Variants in SEC11C observed in about 807,000 individuals in gnomAD.
SEC11C encodes the protein SEC11 homolog C, signal peptidase complex subunit, also known as signal peptidase complex catalytic subunit SEC11C.
SEC11C carries 10 observed loss-of-function variants against 21.9 expected under a neutral mutation model. The observed-to-expected ratio is 0.46, with a 90% CI of 0.28 to 0.77. SEC11C has a LOEUF of 0.77. Among genes scored for constraint, SEC11C ranks in the 30% least tolerant of loss-of-function variants. The pLI is 0.12. For synonymous variants in SEC11C, 83 were observed against 85.6 expected, an observed-to-expected ratio of 0.97 and a Z score of 0.17; for missense variants, 145 against 244.5, an observed-to-expected ratio of 0.59 and a Z score of 2.71.
intron 2 of SEC11C, among the ~76,000 whole-genome samples, chr18:59,151,068 A>G (rs978930111): frequency 1.3e-5 from 2 of 152,144 alleles, no homozygotes; most frequent in African/African-American, 4.8e-5. Context: ...AATCTGGCCC[A>G]TGAGGAAAGC....
intron 3 of SEC11C, among the ~76,000 whole-genome samples, chr18:59,155,281 A>G (rs2069406602): frequency 6.6e-6 from 1 of 152,204 alleles, no homozygotes; most frequent in Non-Finnish European, 1.5e-5. Flanking sequence ...CACAGAGGTG[A>G]TTCACATGAT....
At chr18:59,141,091 T>C (rs2069204791) in intron 1 of SEC11C, among the ~76,000 whole-genome samples, 1 of 152,162 alleles carries the variant, frequency 6.6e-6, no homozygotes, top group Non-Finnish European at 1.5e-5. Flanking sequence ...TGTTGAGATG[T>C]GGGGTGGTGC....
rs747049609 is a variant in SEC11C, at chr18:59,157,682, G to A, written c.525+17G>A. 1 of 1,530,140 alleles carries A rather than the reference G, an allele frequency of 6.5e-7. No homozygotes were observed. Among genetic ancestry groups the A allele is most frequent in the East Asian group, 2.3e-5 (1 of 44,402 alleles). The allele number at this position is 1,530,140 out of a possible 1,614,324, so 94.8% of individuals were successfully genotyped here. A position where few individuals can be genotyped will look rare whatever the true frequency, so the allele number is the denominator to read the frequency against. ...AAATTCAAGGTAGGAATTTATGTGT[G>A]TCTATATTTATTTACTTCGTTAAAT... On this transcript the variant is annotated intron_variant, in intron 5 of 5. Coordinates refer to ENST00000587834, the MANE Select transcript of SEC11C (RefSeq NM_033280.4).
At chr18:59,157,487 T>G in intron 4 of SEC11C, 121 bp from the exon 5 acceptor site, 4 of 748,052 alleles carry the variant, frequency 5.3e-6, no homozygotes, top group South Asian at 1.5e-5. Context: ...CTTACAGCCC[T>G]GGTCAGTGGC....
intron 1 of SEC11C, among the ~76,000 whole-genome samples, chr18:59,146,289 A>T (rs1262720554): frequency 6.6e-6 from 1 of 152,248 alleles, no homozygotes; most frequent in African/African-American, 2.4e-5. Context: ...TACTGAGAGA[A>T]GGATCCCTAA....
chr18:59,157,918 T>C (rs188820470), intron 5 of SEC11C, among the ~76,000 whole-genome samples: 1 of 152,244 alleles, frequency 6.6e-6, no homozygotes, highest in East Asian at 1.9e-4. Flanking sequence ...TTATGGAAAT[T>C]TTCATACACA....
intron 3 of SEC11C, 80 bp from the exon 4 acceptor site, chr18:59,155,606 TAA>T: frequency 6.9e-7 from 1 of 1,453,452 alleles, no homozygotes. Context: ...TGTCTGACAG[TAA>T]AGTCTTGAGT....
chr18:59,151,342 A>C (rs761981143), intron 2 of SEC11C, among the ~76,000 whole-genome samples: 2 of 151,600 alleles, frequency 1.3e-5, no homozygotes, highest in African/African-American at 2.4e-5. Flanking sequence ...TTTAACACTG[A>C]AACAATTATG....
chr18:59,158,554 G>A (rs2069445382), intron 5 of SEC11C, 78 bp from the exon 6 acceptor site: 16 of 1,109,052 alleles, frequency 1.4e-5, no homozygotes, highest in South Asian at 3.8e-5. Context: ...AGTATTTAAC[G>A]GACTTCATCT....
chr18:59,158,659 T>A lies in SEC11C; in HGVS notation c.553T>A (p.Tyr185Asn), dbSNP rs766209586. 1 of 1,613,884 alleles carries A rather than the reference T, an allele frequency of 6.2e-7. No individual in the cohort carries two copies. Among genetic ancestry groups the A allele is most frequent in the Admixed American group, 1.7e-5 (1 of 60,020 alleles). The change falls in exon 6 of 6, where the codon TAT becomes AAT. Residue 185 changes from tyrosine to asparagine, a missense_variant. Physicochemically the swap from Tyr to Asn is moderately radical, Grantham distance 143. Transcript: ENST00000587834. The stretch of plus-strand genomic sequence containing the variant: ...TGCTCTTTTGGCTGTAATGGGTGCA[T>A]ATGTGTTACTAAAACGTGAATCCTA... ...KYALLAVMGAYVLLKRES is the reference protein window; with the variant it reads ...KYALLAVMGANVLLKRES
intron 1 of SEC11C, chr18:59,147,226 G>A (rs2069287028): frequency 6.6e-6 from 1 of 152,152 alleles, no homozygotes; most frequent in African/African-American, 2.4e-5. Flanking sequence ...TGTATTTTAA[G>A]TTGTACTCAA....
At chr18:59,144,594 C>A (rs370311581) in intron 1 of SEC11C, among the ~76,000 whole-genome samples, 6 of 152,102 alleles carry the variant, frequency 3.9e-5, no homozygotes, top group African/African-American at 1.4e-4. Flanking sequence ...GGCATGCCAG[C>A]ACATGCCTGT....
intron 2 of SEC11C, 81 bp downstream of exon 2, chr18:59,149,703 T>G (rs544633099): frequency 1.4e-6 from 1 of 693,874 alleles, no homozygotes; most frequent in African/African-American, 1.8e-5. Flanking sequence ...CAGCCTTAAG[T>G]GAAAACCTGC....
chr18:59,142,422 A>G (rs745695576), intron 1 of SEC11C, among the ~76,000 whole-genome samples: 5 of 152,162 alleles, frequency 3.3e-5, no homozygotes, highest in Non-Finnish European at 5.9e-5. Context: ...GAAAACGGCA[A>G]TCGTTGTTTA....
At chr18:59,152,500 G>A (rs771983539) in intron 2 of SEC11C, 36 bp from the exon 3 acceptor site, 4 of 1,569,674 alleles carry the variant, frequency 2.5e-6, no homozygotes, top group Non-Finnish European at 3.4e-6. Flanking sequence ...TTTGGACACA[G>A]GGTAATGCTG....
intron 1 of SEC11C, among the ~76,000 whole-genome samples, chr18:59,141,243 A>T (rs1444808944): frequency 6.6e-6 from 1 of 152,046 alleles, no homozygotes; most frequent in African/African-American, 2.4e-5. Context: ...CGTGTTTAGG[A>T]TGTGGTAGTG....
intron 1 of SEC11C, among the ~76,000 whole-genome samples, chr18:59,145,294 C>G (rs1014265811): frequency 1.3e-5 from 2 of 152,238 alleles, no homozygotes; most frequent in African/African-American, 4.8e-5. Context: ...ATTGGCAGGG[C>G]TGAGTAGTTT....
In SEC11C at chr18:59,154,529, G is replaced by A. The variant is rs199647922; in HGVS notation, c.348-1159G>A. On this transcript the variant is annotated intron_variant, in intron 3 of 5. Transcript: ENST00000587834. ...AGAATGCTTAAAATGAGTCCCACAT[G>A]TCTCTTTAACACACTGGTGTTATGC... Among the ~76,000 whole-genome samples, 18 of 152,160 alleles carry A rather than the reference G, an allele frequency of 1.2e-4. No homozygotes were observed. In the East Asian group the frequency reaches 3.5e-3, roughly 29 times the overall value.
intron 2 of SEC11C, 54 bp downstream of exon 2, chr18:59,149,676 G>T: frequency 8.6e-7 from 1 of 1,158,316 alleles, no homozygotes; most frequent in Non-Finnish European, 1.3e-6. Flanking sequence ...AGGCTGCCTT[G>T]GGCCTGAGGA....
Sources: allele counts gnomAD v4.1 joint callset (sites outside exome capture counted in the v4.1 genomes callset), GRCh38; gene constraint gnomAD v4.1.1; transcripts MANE v1.5; gene names NCBI Gene and HGNC (gene_info 2026-07-23, HGNC 2026-07-21).